The following CACUL1 variants were observed in gnomAD, a reference collection of about 807,000 sequenced individuals.
The protein encoded by CACUL1 is CDK2-associated and cullin domain-containing protein 1.
In CACUL1, 13 loss-of-function variants were observed where a neutral mutation model predicts 45.2. That is an observed-to-expected ratio of 0.29 (90% CI 0.19 to 0.46). The LOEUF (loss-of-function observed/expected upper bound fraction) is 0.46. Ranked by LOEUF, CACUL1 falls within the 20% of genes least tolerant of loss-of-function variation. CACUL1 has a pLI of 1.00. For missense variants in CACUL1, 421 were observed against 471.4 expected, an observed-to-expected ratio of 0.89 and a Z score of 0.99; for synonymous variants, 197 against 174.2, an observed-to-expected ratio of 1.13 and a Z score of -1.03.
At chr10:118,726,405 C>T (rs1845651705) in intron 3 of CACUL1, 7 of 1,039,520 alleles carry the variant, frequency 6.7e-6, no homozygotes, top group Non-Finnish European at 7.7e-6. Context: ...TTGTGGCAGA[C>T]ACTAAGGATA....
chr10:118,742,042 G>A (rs556129518), intron 1 of CACUL1, among the ~76,000 whole-genome samples: 44 of 152,078 alleles, frequency 2.9e-4, no homozygotes, highest in African/African-American at 1.0e-3. Flanking sequence ...CAAATACATA[G>A]CTTTATTATA....
intron 1 of CACUL1, among the ~76,000 whole-genome samples, chr10:118,738,117 G>T (rs1845756377): frequency 6.6e-6 from 1 of 152,194 alleles, no homozygotes. Context: ...AGGTGCTGAG[G>T]TGGATACCAA....
intron 3 of CACUL1, among the ~76,000 whole-genome samples, chr10:118,711,004 C>T (rs1214626671): frequency 6.6e-6 from 1 of 152,160 alleles, no homozygotes; most frequent in African/African-American, 2.4e-5. Context: ...TCAAGTATTA[C>T]ACATGTATAT....
intron 4 of CACUL1, among the ~76,000 whole-genome samples, chr10:118,705,783 G>A (rs1589606719): frequency 6.6e-6 from 1 of 152,122 alleles, no homozygotes; most frequent in Non-Finnish European, 1.5e-5. Context: ...TGCTTATTAT[G>A]GCACTAGTAG....
At chr10:118,690,409 A>C (rs1014379909) in intron 7 of CACUL1, among the ~76,000 whole-genome samples, 2 of 152,098 alleles carry the variant, frequency 1.3e-5, no homozygotes, top group Non-Finnish European at 2.9e-5. Flanking sequence ...CTCATGGGGA[A>C]TCACAAAAAT....
At chr10:118,712,536 A>T (rs1357929315) in intron 3 of CACUL1, among the ~76,000 whole-genome samples, 1 of 152,224 alleles carries the variant, frequency 6.6e-6, no homozygotes, top group African/African-American at 2.4e-5. Flanking sequence ...TGTGACCAGA[A>T]GAAAAGGTAC....
In CACUL1 at chr10:118,754,950, C is replaced by T. The variant is rs1845943571; in HGVS notation, c.-188G>A. On this transcript the variant is annotated 5_prime_UTR_variant, in exon 1 of 9. Coordinates refer to ENST00000369151, the MANE Select transcript of CACUL1 (RefSeq NM_153810.5). ...ACTAGCTTGAAGACGCGGCTGACGG[C>T]GGTGGGCGCTCCGGGGCTCTAGTCT... is the stretch of plus-strand genomic sequence containing the variant. 3 of 693,760 alleles carry T rather than the reference C, an allele frequency of 4.3e-6. No individual in the cohort carries two copies. The highest frequency in any genetic ancestry group is 3.8e-5 in the African/African-American group (2 of 52,606). The allele number at this position is 693,760 out of a possible 1,614,324, so 43.0% of individuals were successfully genotyped here. A position where few individuals can be genotyped will look rare whatever the true frequency, so the allele number is the denominator to read the frequency against.
At chr10:118,702,766 G>A (rs1269054535) in intron 4 of CACUL1, among the ~76,000 whole-genome samples, 2 of 152,006 alleles carry the variant, frequency 1.3e-5, no homozygotes, top group African/African-American at 2.4e-5. Context: ...ATTTTTAGTA[G>A]AGATGGGGTT....
intron 1 of CACUL1, 60 bp from the exon 2 acceptor site, chr10:118,730,470 A>G (rs2119642383): frequency 6.7e-7 from 1 of 1,496,048 alleles, no homozygotes; most frequent in East Asian, 2.5e-5. Context: ...AACACAAATC[A>G]CAGCCATTTT....
chr10:118,729,161 A>G, intron 3 of CACUL1, 134 bp downstream of exon 3: 1 of 635,316 alleles, frequency 1.6e-6, no homozygotes, highest in Non-Finnish European at 2.7e-6. Flanking sequence ...GATTTGATCA[A>G]CATTCACCTA....
At chr10:118,721,385 C>T (rs1845598632) in intron 3 of CACUL1, among the ~76,000 whole-genome samples, 1 of 152,144 alleles carries the variant, frequency 6.6e-6, no homozygotes, top group Admixed American at 6.6e-5. Flanking sequence ...CTATTAATTT[C>T]CATTATTAAT....
At chr10:118,705,978 C>A (rs1845429020) in intron 4 of CACUL1, among the ~76,000 whole-genome samples, 2 of 152,038 alleles carry the variant, frequency 1.3e-5, no homozygotes, top group South Asian at 4.2e-4. Flanking sequence ...ATCTAAGATC[C>A]CTTATTTGAA....
intron 1 of CACUL1, among the ~76,000 whole-genome samples, chr10:118,750,733 G>A (rs12412407): frequency 0.13 from 20,118 of 152,082 alleles, 1,563 homozygotes; most frequent in Admixed American, 0.27. Context: ...GCAAGTATAC[G>A]TTTTCCTGTA....
intron 1 of CACUL1, among the ~76,000 whole-genome samples, chr10:118,742,546 C>G (rs548640366): frequency 6.6e-6 from 1 of 152,120 alleles, no homozygotes; most frequent in Non-Finnish European, 1.5e-5. Flanking sequence ...TCCTGAAGTT[C>G]GGCCGGGAAC....
At chr10:118,687,130 G>A (rs1206824702) in intron 7 of CACUL1, among the ~76,000 whole-genome samples, 1 of 152,046 alleles carries the variant, frequency 6.6e-6, no homozygotes, top group African/African-American at 2.4e-5. Flanking sequence ...CACCCTGTCT[G>A]CCATCCTTTT....
In CACUL1 at chr10:118,754,586, C is replaced by G. The variant is rs773452532; in HGVS notation, c.177G>C (p.Ala59=). 14 of 1,609,034 alleles carry G rather than the reference C, an allele frequency of 8.7e-6. No homozygotes were observed. The highest frequency in any genetic ancestry group is 1.7e-4 in the Middle Eastern group (1 of 6,050). Residue 59 remains alanine (A), a synonymous_variant, in exon 1 of 9, where the codon GCG becomes GCC. Transcript: ENST00000369151. ...AREPPGGQLL[A]VPAVSVDRKG... Reference sequence around the variant, plus strand: ...TCCTGTCCACGGAGACCGCGGGCACCGCCAGCAGCTGCCCCCCCGGAGGCT... The same window carrying G: ...TCCTGTCCACGGAGACCGCGGGCACGGCCAGCAGCTGCCCCCCCGGAGGCT...
intron 3 of CACUL1, among the ~76,000 whole-genome samples, chr10:118,725,887 A>T (rs140609594): frequency 0.011 from 1,719 of 152,322 alleles, 18 homozygotes; most frequent in Middle Eastern, 0.027. Context: ...TATACTCTTC[A>T]ATCTCCCCAA....
rs915398890 is a variant in CACUL1 at position 118,691,345 on chromosome 10, C to T, written c.945G>A (p.Pro315=). The stretch of plus-strand genomic sequence containing the variant: ...ATTCAGAAAGTTCAGATTCCACCGC[C>T]GGAGGGAGAATGTTTGGAATAAATT... ...FSKFIPNILP[P]AVESELSEYA... The change falls in exon 7 of 9, where the codon CCG becomes CCA. Residue 315 remains proline (P), a synonymous_variant. Coordinates refer to ENST00000369151, the MANE Select transcript of CACUL1 (RefSeq NM_153810.5). The T allele has an allele frequency of 3.1e-6, 5 of 1,612,238 alleles. No homozygotes were observed. The highest frequency in any genetic ancestry group is 3.3e-5 in the Admixed American group (2 of 59,986).
intron 3 of CACUL1, among the ~76,000 whole-genome samples, chr10:118,718,464 T>C (rs1382702588): frequency 6.6e-6 from 1 of 152,242 alleles, no homozygotes; most frequent in African/African-American, 2.4e-5. Flanking sequence ...AACACAGCAA[T>C]GCCCATTGTT....
Sources: allele counts gnomAD v4.1 joint callset (sites outside exome capture counted in the v4.1 genomes callset), GRCh38; gene constraint gnomAD v4.1.1; transcripts MANE v1.5; gene names NCBI Gene and HGNC (gene_info 2026-07-23, HGNC 2026-07-21).